CHURC1: variants seen among roughly 807,000 people sequenced by gnomAD.
The protein encoded by CHURC1 is churchill domain containing 1.
A neutral mutation model predicts 15.4 loss-of-function variants in CHURC1; 12 were observed. The observed-to-expected ratio is 0.78, with a 90% CI of 0.50 to 1.27. CHURC1 has a LOEUF of 1.27. CHURC1 is among the 50% of genes most tolerant of loss of function. The pLI, the probability that CHURC1 is intolerant of heterozygous loss-of-function variation, is 0.00. For synonymous variants in CHURC1, 42 were observed against 47.5 expected (o/e 0.88, Z 0.48); for missense variants, 132 against 137.8 (o/e 0.96, Z 0.21).
intron 3 of CHURC1, among the ~76,000 whole-genome samples, chr14:64,928,820 G>T (rs1241731030): frequency 6.6e-6 from 1 of 151,996 alleles, no homozygotes; most frequent in East Asian, 1.9e-4. Context: ...GCTCCTTTGT[G>T]TTTTCTCTTA....
At chr14:64,929,249 C>T (rs542946538) in intron 3 of CHURC1, among the ~76,000 whole-genome samples, 14 of 152,268 alleles carry the variant, frequency 9.2e-5, no homozygotes, top group African/African-American at 3.1e-4. Flanking sequence ...TGTCCATATT[C>T]ATGCCTTTTC....
intron 3 of CHURC1, among the ~76,000 whole-genome samples, chr14:64,927,729 CCGT>C (rs796645954): frequency 1.7e-5 from 2 of 121,166 alleles, no homozygotes; most frequent in Non-Finnish European, 3.6e-5. Context: ...CCCCCCCCCG[CCGT>C]CAATTCATAC....
At chr14:64,919,490 G>A (rs1884121067) in intron 1 of CHURC1, among the ~76,000 whole-genome samples, 1 of 152,210 alleles carries the variant, frequency 6.6e-6, no homozygotes, top group Non-Finnish European at 1.5e-5. Flanking sequence ...ATGTAAGAGT[G>A]CCTTAAAATG....
rs1012913779 is a variant in CHURC1, at chr14:64,933,215, A to C, written c.*985A>C. 1.3e-5 allele frequency: 3 copies of C among 229,064 alleles called. No individual in the cohort carries two copies. Among genetic ancestry groups the C allele is most frequent in the Non-Finnish European group, 2.2e-5 (3 of 137,870 alleles). 14.2% of individuals were successfully genotyped at this position (229,064 alleles called of 1,614,324 possible). ...ATAAAAAACAAGGAAAATCTGAGAC[A>C]TGGTCACAGCCAAGAGGAGCCTGAG... On this transcript the variant is annotated 3_prime_UTR_variant, in exon 4 of 4. Transcript: ENST00000549115.
In CHURC1 at chr14:64,914,495, G is replaced by A; in HGVS notation, c.-1G>A. On this transcript the variant is annotated 5_prime_UTR_variant, in exon 1 of 4. Coordinates refer to ENST00000549115, the MANE Select transcript of CHURC1 (RefSeq NM_001386928.1). Reference sequence around the variant, plus strand: ...GGACATTCCCTGTTGACTGCGTCGCGATGTGTGGCGACTGTGTGGAGAAGG... The same window carrying A: ...GGACATTCCCTGTTGACTGCGTCGCAATGTGTGGCGACTGTGTGGAGAAGG... 1 of 1,614,262 alleles carries A rather than the reference G, an allele frequency of 6.2e-7. No individual in the cohort carries two copies. Among genetic ancestry groups the A allele is most frequent in the Non-Finnish European group, 8.5e-7 (1 of 1,180,040 alleles).
chr14:64,914,482 T>C lies in CHURC1; in HGVS notation c.-14T>C, dbSNP rs1594884559. On this transcript the variant is annotated 5_prime_UTR_variant, in exon 1 of 4. Coordinates refer to ENST00000549115, the MANE Select transcript of CHURC1 (RefSeq NM_001386928.1). Reference sequence around the variant, plus strand: ...CGGAAGCGTTGGAGGACATTCCCTGTTGACTGCGTCGCGATGTGTGGCGAC... The same window carrying C: ...CGGAAGCGTTGGAGGACATTCCCTGCTGACTGCGTCGCGATGTGTGGCGAC... 2 of 1,614,270 alleles carry C rather than the reference T, an allele frequency of 1.2e-6. No individual in the cohort carries two copies. Among genetic ancestry groups the C allele is most frequent in the Non-Finnish European group, 1.7e-6 (2 of 1,180,040 alleles).
intron 2 of CHURC1, among the ~76,000 whole-genome samples, 174 bp from the exon 3 acceptor site, chr14:64,925,836 G>A (rs1207738931): frequency 6.6e-6 from 1 of 151,998 alleles, no homozygotes; most frequent in Non-Finnish European, 1.5e-5. Context: ...TTGTTATGTG[G>A]CAGATTCTGA....
chr14:64,916,413 T>C (rs942266164), intron 1 of CHURC1, among the ~76,000 whole-genome samples: 4 of 152,216 alleles, frequency 2.6e-5, no homozygotes, highest in African/African-American at 9.7e-5. Flanking sequence ...TAATCATTTC[T>C]TGTTCGCTAC....
intron 2 of CHURC1, among the ~76,000 whole-genome samples, chr14:64,925,013 T>G (rs897700409): frequency 6.6e-6 from 1 of 152,230 alleles, no homozygotes; most frequent in African/African-American, 2.4e-5. Flanking sequence ...TATGTTTTCT[T>G]TAAGCTGTAT....
At chr14:64,921,086 C>T (rs1487262952) in intron 1 of CHURC1, among the ~76,000 whole-genome samples, 1 of 152,136 alleles carries the variant, frequency 6.6e-6, no homozygotes, top group African/African-American at 2.4e-5. Flanking sequence ...ACAAAAGCAC[C>T]ATTGTAATTC....
intron 1 of CHURC1, among the ~76,000 whole-genome samples, chr14:64,922,163 AC>A (rs1326267061): frequency 1.3e-5 from 2 of 152,140 alleles, no homozygotes; most frequent in Non-Finnish European, 2.9e-5. Context: ...AATGTTTTAT[AC>A]CTTCACTAGG....
In CHURC1 at chr14:64,932,530, A is replaced by G. The variant is rs1348472458; in HGVS notation, c.*300A>G. The G allele has an allele frequency of 1.1e-5, 11 of 1,034,676 alleles. No homozygotes were observed. The highest frequency in any genetic ancestry group is 1.3e-5 in the Non-Finnish European group (11 of 847,548). The allele number at this position is 1,034,676 out of a possible 1,614,324, so 64.1% of individuals were successfully genotyped here. The stretch of plus-strand genomic sequence containing the variant: ...CCTGGTGCCCAGATTTTGGTTTCCA[A>G]TAAAAGGAACCAGGACTCCTTAGAA... On this transcript the variant is annotated 3_prime_UTR_variant, in exon 4 of 4. Coordinates refer to ENST00000549115, the MANE Select transcript of CHURC1 (RefSeq NM_001386928.1).
At chr14:64,927,931 T>C (rs1483042029) in intron 3 of CHURC1, among the ~76,000 whole-genome samples, 1 of 152,064 alleles carries the variant, frequency 6.6e-6, no homozygotes, top group African/African-American at 2.4e-5. Context: ...TAAATACTTT[T>C]GGGTGACCTC....
At chr14:64,915,314 A>G (rs1883799025) in intron 1 of CHURC1, among the ~76,000 whole-genome samples, 1 of 152,246 alleles carries the variant, frequency 6.6e-6, no homozygotes, top group African/African-American at 2.4e-5. Flanking sequence ...TTTGTTTCAG[A>G]GAAGAAATTA....
rs1164708313 is a variant in CHURC1, at chr14:64,934,366, AAAC to A, written c.*2145_*2147del. On this transcript the variant is annotated 3_prime_UTR_variant, in exon 4 of 4. Coordinates refer to ENST00000549115, the MANE Select transcript of CHURC1 (RefSeq NM_001386928.1). The stretch of plus-strand genomic sequence containing the variant: ...CCATCTCAAAAACAAAAACAAAACA[AAAC>A]AACAACAAAAAAAGAAGTTAAATAA... 35 of 941,936 alleles carry A rather than the reference AAAC, an allele frequency of 3.7e-5. No homozygotes were observed. The highest frequency in any genetic ancestry group is 4.0e-5 in the Non-Finnish European group (32 of 790,632). The allele number at this position is 941,936 out of a possible 1,614,324, so 58.3% of individuals were successfully genotyped here.
At chr14:64,932,116 T>A in intron 3 of CHURC1, 22 bp from the exon 4 acceptor site, 1 of 1,606,570 alleles carries the variant, frequency 6.2e-7, no homozygotes, top group Non-Finnish European at 8.5e-7. Flanking sequence ...TCTAGGTAAT[T>A]ATGCACTTTA....
chr14:64,930,766 CTT>C lies in CHURC1; in HGVS notation c.247-1370_247-1369del, dbSNP rs1416401953. The C allele has an allele frequency of 1.1e-5, 5 of 436,854 alleles. No individual in the cohort carries two copies. The East Asian group carries it at 2.1e-4, about 18-fold the overall frequency. 27.1% of individuals were successfully genotyped at this position (436,854 alleles called of 1,614,324 possible). ...CCTCACACATTTTCTCTTTTTGACTCTTTACTTTTTTCCTTCTTCTTTTCCTG... is the reference window on the plus strand; with the variant it reads ...CCTCACACATTTTCTCTTTTTGACTCTACTTTTTTCCTTCTTCTTTTCCTG... On this transcript the variant is annotated intron_variant, in intron 3 of 3. Coordinates refer to ENST00000549115, the MANE Select transcript of CHURC1 (RefSeq NM_001386928.1).
At chr14:64,927,984 C>T (rs1033415572) in intron 3 of CHURC1, among the ~76,000 whole-genome samples, 3 of 151,930 alleles carry the variant, frequency 2.0e-5, no homozygotes, top group Admixed American at 1.3e-4. Context: ...GTACAATATC[C>T]AAGCTCCTCA....
intron 2 of CHURC1, 43 bp from the exon 3 acceptor site, chr14:64,925,967 C>G: frequency 7.1e-7 from 1 of 1,407,316 alleles, no homozygotes; most frequent in South Asian, 1.4e-5. Flanking sequence ...TTTTAAGAAA[C>G]TCTCTAAGAC....
Sources: gnomAD v4.1 joint callset for allele counts (sites outside exome capture counted in the v4.1 genomes callset) on GRCh38, gnomAD v4.1.1 for gene constraint, MANE v1.5 for transcripts, NCBI Gene and HGNC (gene_info 2026-07-23, HGNC 2026-07-21) for gene names.